The following GNL3L variants were observed in gnomAD, a reference collection of about 807,000 sequenced individuals.
GNL3L encodes guanine nucleotide-binding protein-like 3-like protein.
In GNL3L, 4 loss-of-function variants were observed where a neutral mutation model predicts 42.9. The observed-to-expected ratio is 0.09, with a 90% CI of 0.05 to 0.21. GNL3L has a LOEUF of 0.21. GNL3L is among the 10% of genes least tolerant of loss of function. GNL3L has a pLI of 1.00. For missense variants in GNL3L, 412 were observed against 481.7 expected (o/e 0.86, Z 1.36); for synonymous variants, 159 against 176.3 (o/e 0.90, Z 0.78).
At chrX:54,619,981 G>A (rs984408728) in intron 16 of GNL3L, among the ~76,000 whole-genome samples, 5 of 110,902 alleles carry the variant, frequency 4.5e-5, no homozygotes, top group African/African-American at 1.6e-4. Context: ...TTATTTATTT[G>A]TTTTTATTTT....
chrX:54,575,963 G>T (rs1925630158), intron 16 of GNL3L, among the ~76,000 whole-genome samples: 1 of 112,053 alleles, frequency 8.9e-6, no homozygotes, highest in Non-Finnish European at 1.9e-5. Flanking sequence ...ATCTGTCTTG[G>T]AGAATGTTCC....
chrX:54,591,110 C>T (rs931790349), intron 16 of GNL3L, among the ~76,000 whole-genome samples: 1 of 111,078 alleles, frequency 9.0e-6, no homozygotes, highest in African/African-American at 3.3e-5. Flanking sequence ...GAATTACAGG[C>T]GTGAGCCACC....
rs1365407143 is a variant in GNL3L at position 54,561,388 on chromosome X, A to G, written c.*786A>G. On this transcript the variant is annotated 3_prime_UTR_variant, in exon 16 of 16. Coordinates refer to ENST00000360845, the MANE Select transcript of GNL3L (RefSeq NM_001184819.2). ...TTTGGGCCATGCATCTTCCAAGTCC[A>G]TAGGTCTTCACCTGGGTGGCAGTGA... is the stretch of plus-strand genomic sequence containing the variant. 8.9e-6 allele frequency among the ~76,000 whole-genome samples: 1 copy of G among 112,473 alleles called. No homozygotes were observed. The highest frequency in any genetic ancestry group is 3.2e-5 in the African/African-American group (1 of 30,969).
chrX:54,634,325 G>A, the GNL3L span, among the ~76,000 whole-genome samples: 1 of 111,052 alleles, frequency 9.0e-6, no homozygotes, highest in African/African-American at 3.3e-5. Flanking sequence ...TTTTGAGATG[G>A]AGTTTCACTC....
chrX:54,580,002 T>G (rs1925688796), intron 16 of GNL3L, among the ~76,000 whole-genome samples: 1 of 104,102 alleles, frequency 9.6e-6, no homozygotes, highest in Non-Finnish European at 2.0e-5. Flanking sequence ...TTTTTTTTTT[T>G]TTTTTTTTTT....
At chrX:54,543,410 C>G (rs765637009) in intron 7 of GNL3L, 68 bp downstream of exon 7, 35 of 1,072,560 alleles carry the variant, frequency 3.3e-5, no homozygotes, top group Non-Finnish European at 4.4e-5. Flanking sequence ...CTAGCTTGGA[C>G]CAGACACTGA....
Position 54,607,129 on chromosome X carries a change from CTTTCTTTCTTTG to C in GNL3L, c.*46-13714_*46-13703del, listed in dbSNP as rs1318222545. On this transcript the variant is annotated intron_variant, in intron 16 of 16. Coordinates refer to the GNL3L transcript ENST00000674498. The stretch of plus-strand genomic sequence containing the variant: ...TCTTTCTTTCTTTCTTTCTTTCTTT[CTTTCTTTCTTTG>C]TCTCTCTCTCTCTCTCTTTCTTTCT... 1.7e-3 allele frequency among the ~76,000 whole-genome samples: 134 copies of C among 79,414 alleles called. 7 individuals carry two copies. The highest frequency in any genetic ancestry group is 7.3e-3 in the African/African-American group (131 of 18,040). The allele number at this position is 79,414 out of a possible 115,157, so 69.0% of individuals were successfully genotyped here.
At chrX:54,530,990 G>A (rs1290102458) in intron 1 of GNL3L, among the ~76,000 whole-genome samples, 2 of 111,892 alleles carry the variant, frequency 1.8e-5, no homozygotes, top group Non-Finnish European at 3.8e-5. Flanking sequence ...CTCAGCTTAT[G>A]GACAACTAAG....
chrX:54,589,232 A>G (rs1401138065), intron 16 of GNL3L, among the ~76,000 whole-genome samples: 1 of 111,561 alleles, frequency 9.0e-6, no homozygotes, highest in Non-Finnish European at 1.9e-5. Flanking sequence ...CTATAAATAG[A>G]CGGAAAAATA....
intron 2 of GNL3L, among the ~76,000 whole-genome samples, chrX:54,532,895 G>A (rs1246896786): frequency 8.9e-6 from 1 of 111,793 alleles, no homozygotes; most frequent in Non-Finnish European, 1.9e-5. Flanking sequence ...CTGACCGCAA[G>A]TCATCTGCCT....
chrX:54,543,555 C>A (rs1350760497), intron 7 of GNL3L, among the ~76,000 whole-genome samples: 4 of 111,938 alleles, frequency 3.6e-5, no homozygotes, highest in Non-Finnish European at 7.5e-5. Flanking sequence ...GTCCCCTGTT[C>A]TTGCCATTTT....
At chrX:54,581,420 A>G (rs774202611) in intron 16 of GNL3L, among the ~76,000 whole-genome samples, 14 of 111,026 alleles carry the variant, frequency 1.3e-4, no homozygotes, top group African/African-American at 4.6e-4. Context: ...TATTTTTTGT[A>G]GAGATGGGGT....
At chrX:54,554,717 A>C in intron 14 of GNL3L, 25 bp downstream of exon 14, 1 of 1,188,525 alleles carries the variant, frequency 8.4e-7, no homozygotes, top group Non-Finnish European at 1.1e-6. Context: ...TGTTCATGGC[A>C]ACCCTCTTCT....
intron 16 of GNL3L, among the ~76,000 whole-genome samples, chrX:54,593,135 A>G (rs1250064458): frequency 9.0e-6 from 1 of 111,726 alleles, no homozygotes; most frequent in African/African-American, 3.3e-5. Context: ...ATACTAGCTT[A>G]ATAGAATGAG....
chrX:54,540,485 C>T (rs1214611126), intron 4 of GNL3L, among the ~76,000 whole-genome samples: 1 of 111,913 alleles, frequency 8.9e-6, no homozygotes, highest in Non-Finnish European at 1.9e-5. Flanking sequence ...GCCTCATCAG[C>T]GCCTTCCCTG....
chrX:54,549,818 T>C (rs1250538748), intron 9 of GNL3L, among the ~76,000 whole-genome samples: 4 of 111,822 alleles, frequency 3.6e-5, no homozygotes, highest in Non-Finnish European at 7.5e-5. Flanking sequence ...CATGTCACTA[T>C]GAGGCAGGTA....
rs150477586 is a variant in GNL3L at position 54,558,591 on chromosome X, C to G, written c.1602C>G (p.Pro534=). The G allele has an allele frequency of 9.2e-4, 1,116 of 1,208,403 alleles. 6 individuals are homozygous for G. In the African/African-American group the frequency reaches 0.018, roughly 19 times the overall value. The change falls in exon 15 of 16, where the codon CCC becomes CCG. Residue 534 remains proline (P), a synonymous_variant. Transcript: ENST00000360845. ...TGCAGAGGATCATGGAGACGGACCC[C>G]CTGCAACAGGGCCAGGCTCTGGCAT... is the stretch of plus-strand genomic sequence containing the variant. ...SVLQRIMETD[P]LQQGQALASA...
chrX:54,634,588 C>T, the GNL3L span, among the ~76,000 whole-genome samples: 2 of 109,319 alleles, frequency 1.8e-5, no homozygotes, highest in Non-Finnish European at 3.8e-5. Context: ...AAGCGAGTCT[C>T]CTGCCTCAGC....
At position 54,550,952 on chromosome X, in the gene GNL3L, C is replaced by T. The variant is rs199976307; in HGVS notation, c.776-11C>T. ...CTCTTCTGCCCTGAGCCATCTGCTG[C>T]TATTTTGTAGGTCTTCCCAATGTTG... is the stretch of plus-strand genomic sequence containing the variant. On this transcript the variant is annotated splice_polypyrimidine_tract_variant and intron_variant, in intron 9 of 15. Transcript: ENST00000360845. 1.1e-5 allele frequency: 11 copies of T among 995,845 alleles called. No homozygotes were observed. In the South Asian group the frequency reaches 1.9e-4, roughly 17 times the overall value. 82.1% of individuals were successfully genotyped at this position (995,845 alleles called of 1,213,427 possible). A position where few individuals can be genotyped will look rare whatever the true frequency, so the allele number is the denominator to read the frequency against.
Sources: allele counts gnomAD v4.1 joint callset (sites outside exome capture counted in the v4.1 genomes callset), GRCh38; gene constraint gnomAD v4.1.1; transcripts MANE v1.5; gene names NCBI Gene and HGNC (gene_info 2026-07-23, HGNC 2026-07-21).